Variants in EHBP1 observed in about 807,000 individuals in gnomAD.
EHBP1 encodes EH domain binding protein 1, also known as EH domain-binding protein 1.
In EHBP1, 55 loss-of-function variants were observed where a neutral mutation model predicts 144.0. The ratio of observed to expected loss-of-function variants is 0.38; its 90% CI spans 0.31 to 0.48. The LOEUF is 0.48. EHBP1 is among the 20% of genes least tolerant of loss of function. The pLI is 0.98. For missense variants in EHBP1, 1,200 were observed against 1,364.2 expected (o/e 0.88, Z 1.90); for synonymous variants, 469 against 472.7 (o/e 0.99, Z 0.10).
chr2:62,857,134 A>G (rs1020765957), intron 7 of EHBP1, among the ~76,000 whole-genome samples: 23 of 152,172 alleles, frequency 1.5e-4, no homozygotes, highest in African/African-American at 5.1e-4. Context: ...GAACTTCCTA[A>G]TTTTAGCCCA....
Position 62,891,940 on chromosome 2 carries a change from A to G in EHBP1, c.1185+17408A>G, listed in dbSNP as rs563445680. ...TTGAAAATACATTGTGACTAAATTA[A>G]TAATTCTTTGGGAATGTAAACTTAT... On this transcript the variant is annotated intron_variant, in intron 10 of 22. Transcript: ENST00000431489. 2.0e-5 allele frequency among the ~76,000 whole-genome samples: 3 copies of G among 152,348 alleles called. 1 individual carries two copies. Among genetic ancestry groups the G allele is most frequent in the South Asian group, 4.1e-4 (2 of 4,832 alleles).
chr2:62,944,295 C>T (rs959146549), intron 12 of EHBP1, among the ~76,000 whole-genome samples: 5 of 152,102 alleles, frequency 3.3e-5, no homozygotes, highest in African/African-American at 9.7e-5. Context: ...TTCTGGTAAA[C>T]CGTATACAGT....
chr2:63,040,174 TTATA>T (rs2061600488), intron 21 of EHBP1, among the ~76,000 whole-genome samples: 6 of 150,048 alleles, frequency 4.0e-5, no homozygotes, highest in Admixed American at 2.0e-4. Flanking sequence ...TATATAATGT[TTATA>T]TATAGTATAT....
intron 15 of EHBP1, 61 bp from the exon 16 acceptor site, chr2:62,990,655 G>T: frequency 6.5e-7 from 1 of 1,539,644 alleles, no homozygotes; most frequent in South Asian, 1.2e-5. Context: ...ACATAAAATT[G>T]ACAGCCTACA....
chr2:63,024,669 C>T (rs1357763353), intron 19 of EHBP1, among the ~76,000 whole-genome samples: 1 of 150,264 alleles, frequency 6.7e-6, no homozygotes, highest in Admixed American at 6.6e-5. Flanking sequence ...TTTGTTTTTA[C>T]TCAAATGCTT....
rs200051947 is a variant in EHBP1 at position 62,694,290 on chromosome 2, T to C, written c.-295-12607T>C. ...ATATGTTCTATTAATGCTTTTTAAA[T>C]TGATCTATAATTACTCTCCTTTTTA... On this transcript the variant is annotated intron_variant, in intron 1 of 22. Coordinates refer to the EHBP1 transcript ENST00000405015. Among the ~76,000 whole-genome samples the C allele has an allele frequency of 2.9e-4, 44 of 152,332 alleles. 1 individual carries two copies. In the East Asian group the frequency reaches 8.5e-3, roughly 29 times the overall value.
In EHBP1 at chr2:62,776,210, C is replaced by A. The variant is rs550018484; in HGVS notation, c.312+4818C>A. ...ATGCTATTTTCATTTTATTGGTTCT[C>A]TTGTTTCTGATTTCTCCGTTTTGTC... On this transcript the variant is annotated intron_variant, in intron 5 of 22. Transcript: ENST00000431489. Among the ~76,000 whole-genome samples, 4 of 152,254 alleles carry A rather than the reference C, an allele frequency of 2.6e-5. No homozygotes were observed. The East Asian group carries it at 7.7e-4, about 29-fold the overall frequency.
chr2:62,683,149 C>T lies in EHBP1; in HGVS notation c.-296+9066C>T, dbSNP rs2033590136. ...TGTCAGAACAACGGTCCCACCCCCTCCTATCCCACCTTGATCTCTGTATCT... is the reference window on the plus strand; with the variant it reads ...TGTCAGAACAACGGTCCCACCCCCTTCTATCCCACCTTGATCTCTGTATCT... On this transcript the variant is annotated intron_variant, in intron 1 of 22. Coordinates refer to the EHBP1 transcript ENST00000405015. 2.0e-5 allele frequency among the ~76,000 whole-genome samples: 3 copies of T among 149,744 alleles called. No individual in the cohort carries two copies. In the South Asian group the frequency reaches 6.4e-4, roughly 32 times the overall value.
chr2:62,900,007 A>C (rs1431909375), intron 10 of EHBP1, among the ~76,000 whole-genome samples: 2 of 152,236 alleles, frequency 1.3e-5, no homozygotes, highest in Admixed American at 1.3e-4. Context: ...GGCAAACACA[A>C]ATTTTAGAAT....
chr2:62,712,259 G>C (rs1046078452), intron 2 of EHBP1, among the ~76,000 whole-genome samples: 2 of 152,166 alleles, frequency 1.3e-5, no homozygotes, highest in Admixed American at 1.3e-4. Context: ...AAGCAGATAG[G>C]TTGGTAGATT....
chr2:62,680,726 G>T (rs775343858), intron 1 of EHBP1, among the ~76,000 whole-genome samples: 4 of 152,104 alleles, frequency 2.6e-5, no homozygotes, highest in African/African-American at 9.7e-5. Context: ...TGTCTAGAGG[G>T]AATATGAGGC....
At chr2:62,896,718 G>C (rs2052970520) in intron 10 of EHBP1, among the ~76,000 whole-genome samples, 1 of 150,492 alleles carries the variant, frequency 6.6e-6, no homozygotes, top group Non-Finnish European at 1.5e-5. Context: ...CTAGACTCCA[G>C]GAATCCCTTC....
At chr2:62,696,502 T>C (rs1402744086) in intron 1 of EHBP1, among the ~76,000 whole-genome samples, 4 of 136,934 alleles carry the variant, frequency 2.9e-5, no homozygotes, top group Admixed American at 8.2e-5. Context: ...TTTTCTTTTT[T>C]TTCTTCTTTT....
intron 6 of EHBP1, among the ~76,000 whole-genome samples, chr2:62,827,331 C>A (rs2046411914): frequency 6.6e-6 from 1 of 152,064 alleles, no homozygotes; most frequent in African/African-American, 2.4e-5. Flanking sequence ...GACTTAAATA[C>A]TGAGTAATTA....
At chr2:62,927,645 A>C (rs2055630973) in intron 10 of EHBP1, among the ~76,000 whole-genome samples, 1 of 152,206 alleles carries the variant, frequency 6.6e-6, no homozygotes, top group Non-Finnish European at 1.5e-5. Context: ...GGAAGTAGAC[A>C]TACACATACT....
intron 1 of EHBP1, among the ~76,000 whole-genome samples, chr2:62,674,418 C>T (rs1572845879): frequency 6.6e-6 from 1 of 152,154 alleles, no homozygotes; most frequent in South Asian, 2.1e-4. Context: ...GGGAAGTTTG[C>T]TTTATATTAG....
chr2:62,979,305 A>C lies in EHBP1; in HGVS notation c.2578A>C (p.Lys860Gln). 6.2e-7 allele frequency: 1 copy of C among 1,614,018 alleles called. No homozygotes were observed. Among genetic ancestry groups the C allele is most frequent in the Non-Finnish European group, 8.5e-7 (1 of 1,179,942 alleles). The change falls in exon 15 of 23, where the codon AAG becomes CAG. Residue 860 changes from lysine to glutamine, a missense_variant. Coordinates refer to ENST00000431489, the MANE Select transcript of EHBP1 (RefSeq NM_001142616.3). ...LPSYGEMAAE[K>Q]LKERSKASGE... ...CAGCTATGGTGAAATGGCTGCAGAA[A>C]AGTTGAAAGAAAGGTCAAAGGCATC...
intron 10 of EHBP1, among the ~76,000 whole-genome samples, chr2:62,924,475 T>A (rs2055337076): frequency 6.6e-6 from 1 of 151,790 alleles, no homozygotes; most frequent in South Asian, 2.1e-4. Flanking sequence ...TTAGCTAGAC[T>A]GGGAAAAAAG....
At chr2:62,734,982 C>A (rs923279274) in intron 2 of EHBP1, among the ~76,000 whole-genome samples, 1 of 152,152 alleles carries the variant, frequency 6.6e-6, no homozygotes, top group African/African-American at 2.4e-5. Context: ...CACACTGCAG[C>A]CTCAACCACC....
Sources: gnomAD v4.1 joint callset for allele counts (sites outside exome capture counted in the v4.1 genomes callset) on GRCh38, gnomAD v4.1.1 for gene constraint, MANE v1.5 for transcripts, NCBI Gene and HGNC (gene_info 2026-07-23, HGNC 2026-07-21) for gene names.